The following AURKC variants were observed in gnomAD, a reference collection of about 807,000 sequenced individuals.
The protein encoded by AURKC is ARK-3.
AURKC carries 15 observed loss-of-function variants against 29.2 expected under a neutral mutation model. That is an observed-to-expected ratio of 0.51 (90% CI 0.34 to 0.79). The LOEUF is 0.79. Ranked by LOEUF, AURKC falls within the 30% of genes least tolerant of loss-of-function variation. The pLI, the probability that AURKC is intolerant of heterozygous loss-of-function variation, is 0.01. For synonymous variants in AURKC, 150 were observed against 149.9 expected, an observed-to-expected ratio of 1.00 and a Z score of -0.01; for missense variants, 332 against 383.2, an observed-to-expected ratio of 0.87 and a Z score of 1.12.
intron 1 of AURKC, 151 bp from the exon 2 acceptor site, chr19:57,231,591 C>T: frequency 1.2e-6 from 1 of 836,208 alleles, no homozygotes; most frequent in Non-Finnish European, 1.9e-6. Flanking sequence ...CCTCTCCCTG[C>T]CTTCCCCTTC....
At position 57,233,600 on chromosome 19, in the gene AURKC, C is replaced by T; in HGVS notation, c.576C>T (p.Pro192=). 1 of 1,613,766 alleles carries T rather than the reference C, an allele frequency of 6.2e-7. No individual in the cohort carries two copies. The highest frequency in any genetic ancestry group is 1.1e-5 in the South Asian group (1 of 91,044). ...ATTTTGGCTGGTCTGTGCACACCCC[C>T]TCCCTGAGGTAGGTCAGGTGGTGGT... ...IADFGWSVHT[P]SLRRKTMCGT... Residue 192 remains proline, a synonymous_variant, in exon 5 of 7, where the codon CCC becomes CCT. Coordinates refer to ENST00000302804, the MANE Select transcript of AURKC (RefSeq NM_001015878.2).
chr19:57,235,344 A>G lies in AURKC; in HGVS notation c.857A>G (p.Gln286Arg), dbSNP rs200445619. 3.1e-6 allele frequency: 5 copies of G among 1,614,146 alleles called. No individual in the cohort carries two copies. The Admixed American group carries it at 6.7e-5, about 22-fold the overall frequency. ...YQPLERLPLA[Q>R]ILKHPWVQAH... ...CCCTTGGAGAGACTGCCCCTGGCCC[A>G]GATCCTGAAGCACCCCTGGGTTCAG... Residue 286 changes from glutamine to arginine, a missense_variant, in exon 7 of 7, where the codon CAG becomes CGG. Coordinates refer to ENST00000302804, the MANE Select transcript of AURKC (RefSeq NM_001015878.2).
chr19:57,232,373 C>T lies in AURKC; in HGVS notation c.296+149C>T. ...ACACTACCTCCTACCCTGGGTCAGA[C>T]ACTCGAATCCTGGTTCCTGTTCTCC... On this transcript the variant is annotated intron_variant, in intron 3 of 6. Coordinates refer to ENST00000302804, the MANE Select transcript of AURKC (RefSeq NM_001015878.2). This position sits in a 1 kb window ranked among gnomAD's most constrained non-coding sequence, Gnocchi z 4.5. 2 of 1,402,096 alleles carry T rather than the reference C, an allele frequency of 1.4e-6. No individual in the cohort carries two copies. Among genetic ancestry groups the T allele is most frequent in the African/African-American group, 1.4e-5 (1 of 70,836 alleles). The allele number at this position is 1,402,096 out of a possible 1,614,324, so 86.9% of individuals were successfully genotyped here.
chr19:57,233,648 A>T (rs1486365087), intron 5 of AURKC, 40 bp downstream of exon 5: 4 of 1,612,468 alleles, frequency 2.5e-6, no homozygotes, highest in Non-Finnish European at 2.5e-6. Flanking sequence ...TCTGAGTACC[A>T]GTTAGGAATG....
chr19:57,233,749 C>CTT lies in AURKC; in HGVS notation c.584+144_584+145dup, dbSNP rs1438790042. 1.1e-4 allele frequency: 129 copies of CTT among 1,206,424 alleles called. No individual in the cohort carries two copies. The African/African-American group carries it at 1.1e-3, about 10-fold the overall frequency. 74.7% of individuals were successfully genotyped at this position (1,206,424 alleles called of 1,614,324 possible). Reference sequence around the variant, plus strand: ...GAATACTGCCTTTTTCTTTTCTTTTCTTTTCTTTTTTTTTTTGAGACAGAG... The same window carrying CTT: ...GAATACTGCCTTTTTCTTTTCTTTTCTTTTTTCTTTTTTTTTTTGAGACAGAG... On this transcript the variant is annotated intron_variant, in intron 5 of 6. Transcript: ENST00000302804.
intron 5 of AURKC, 36 bp from the exon 6 acceptor site, chr19:57,234,848 T>G (rs775648763): frequency 1.1e-5 from 17 of 1,613,478 alleles, no homozygotes; most frequent in Admixed American, 1.7e-5. Context: ...CCTGGGCCTC[T>G]GCTTAGTACT....
At position 57,232,679 on chromosome 19, in the gene AURKC, C is replaced by A. The variant is rs45503793; in HGVS notation, c.434C>A (p.Thr145Lys). Residue 145 changes from threonine (T) to lysine (K), a missense_variant and splice_region_variant, in exon 4 of 7, where the codon ACG becomes AAG. Coordinates refer to ENST00000302804, the MANE Select transcript of AURKC (RefSeq NM_001015878.2). This position sits in a 1 kb window ranked among gnomAD's most constrained non-coding sequence, Gnocchi z 4.5. ...SEKLDEQRTATIIEELADALT... is the reference protein window; with the variant it reads ...SEKLDEQRTAKIIEELADALT... Reference sequence around the variant, plus strand: ...AAATTAGATGAACAGCGCACAGCCACGGTGAGGTGCGGGTCTGGAGGCTCT... The same window carrying A: ...AAATTAGATGAACAGCGCACAGCCAAGGTGAGGTGCGGGTCTGGAGGCTCT... 4 of 1,613,200 alleles carry A rather than the reference C, an allele frequency of 2.5e-6. No individual in the cohort carries two copies. Among genetic ancestry groups the A allele is most frequent in the Non-Finnish European group, 3.4e-6 (4 of 1,180,038 alleles).
In AURKC at chr19:57,233,501, C is replaced by G; in HGVS notation, c.477C>G (p.Asp159Glu). 6.2e-7 allele frequency: 1 copy of G among 1,614,160 alleles called. No homozygotes were observed. The change falls in exon 5 of 7, where the codon GAC (aspartate) becomes GAG (glutamate). Residue 159 changes from aspartate to glutamate, a missense_variant. Coordinates refer to ENST00000302804, the MANE Select transcript of AURKC (RefSeq NM_001015878.2). Reference protein sequence around the residue: ...ELADALTYCHDKKVIHRDIKP... With the variant: ...ELADALTYCHEKKVIHRDIKP... ...CAGATGCCCTGACCTACTGCCATGA[C>G]AAGAAAGTGATTCACAGAGATATTA...
Position 57,232,235 on chromosome 19 carries a change from TCTCTGCTTC to T in AURKC, c.296+16_296+24del. The stretch of plus-strand genomic sequence containing the variant: ...CCAGGCTCATCTACAGTAAGGACAG[TCTCTGCTTC>T]CTCTTTCATCTTTGACGTCTGAGCC... On this transcript the variant is annotated intron_variant, in intron 3 of 6. Coordinates refer to ENST00000302804, the MANE Select transcript of AURKC (RefSeq NM_001015878.2). The surrounding 1 kb of genome is among the most constrained non-coding windows in gnomAD (Gnocchi z 4.5). The T allele has an allele frequency of 6.2e-7, 1 of 1,613,502 alleles. No individual in the cohort carries two copies. The highest frequency in any genetic ancestry group is 8.5e-7 in the Non-Finnish European group (1 of 1,179,998).
rs760560162 is a variant in AURKC at position 57,234,872 on chromosome 19, G to T, written c.585-12G>T. 2.4e-5 allele frequency: 39 copies of T among 1,614,090 alleles called. No individual in the cohort carries two copies. The highest frequency in any genetic ancestry group is 3.3e-5 in the Non-Finnish European group (39 of 1,180,006). On this transcript the variant is annotated splice_polypyrimidine_tract_variant and intron_variant, in intron 5 of 6. Transcript: ENST00000302804. Reference sequence around the variant, plus strand: ...CTGCTTAGTACTTATTCCCTTTTCTGCCTTCCTCTAGGAGGAAGACAATGT... The same window carrying T: ...CTGCTTAGTACTTATTCCCTTTTCTTCCTTCCTCTAGGAGGAAGACAATGT...
At position 57,235,001 on chromosome 19, in the gene AURKC, G is replaced by A. The variant is rs374196372; in HGVS notation, c.702G>A (p.Val234=). The A allele has an allele frequency of 6.2e-7, 1 of 1,614,058 alleles. No individual in the cohort carries two copies. Among genetic ancestry groups the A allele is most frequent in the African/African-American group, 1.3e-5 (1 of 74,934 alleles). Residue 234 remains valine, a synonymous_variant, in exon 6 of 7, where the codon GTG becomes GTA. Transcript: ENST00000302804. ...GAGTGCTCTGCTATGAGCTGCTGGT[G>A]GGATATCCACCCTTTGAGAGCGCCT... ...CIGVLCYELL[V]GYPPFESASH...
At chr19:57,234,026 C>T (rs913926937) in intron 5 of AURKC, among the ~76,000 whole-genome samples, 1 of 149,872 alleles carries the variant, frequency 6.7e-6, no homozygotes, top group African/African-American at 2.5e-5. Context: ...GCCACCATGC[C>T]TGGCTGAACT....
Position 57,232,010 on chromosome 19 carries a change from C to A in AURKC, c.105-23C>A. The A allele has an allele frequency of 6.2e-7, 1 of 1,613,872 alleles. No individual in the cohort carries two copies. The highest frequency in any genetic ancestry group is 8.5e-7 in the Non-Finnish European group (1 of 1,179,968). On this transcript the variant is annotated intron_variant, in intron 2 of 6. Coordinates refer to ENST00000302804, the MANE Select transcript of AURKC (RefSeq NM_001015878.2). The surrounding 1 kb of genome is among the most constrained non-coding windows in gnomAD (Gnocchi z 4.5). ...GCCTACCCTACCTCCCAAGCTGAGG[C>A]TTTTTTCTTCCTCTCCTGTCAGGCG...
chr19:57,234,053 CTTTTTTTT>C (rs10586926), intron 5 of AURKC, among the ~76,000 whole-genome samples: 4 of 112,630 alleles, frequency 3.6e-5, no homozygotes, highest in African/African-American at 1.4e-4. Context: ...TTTTTCTTTT[CTTTTTTTT>C]TTTTTTTTTT....
chr19:57,232,608 A>G lies in AURKC; in HGVS notation c.363A>G (p.Glu121=). 1 of 1,614,150 alleles carries G rather than the reference A, an allele frequency of 6.2e-7. No individual in the cohort carries two copies. The highest frequency in any genetic ancestry group is 8.5e-7 in the Non-Finnish European group (1 of 1,180,040). ...CACGCCGGGTGTACCTGATTCTGGA[A>G]TATGCTCCAAGGGGTGAGCTCTACA... ...HDARRVYLIL[E]YAPRGELYKE... is the part of the protein sequence containing the mutation. Residue 121 remains glutamate, a synonymous_variant, in exon 4 of 7, where the codon GAA becomes GAG. Transcript: ENST00000302804. The surrounding 1 kb of genome is among the most constrained non-coding windows in gnomAD (Gnocchi z 4.5).
Position 57,231,063 on chromosome 19 carries a change from C to A in AURKC, c.-186C>A. ...GGTATAAAAGAAGGCCGCGCAGCCA[C>A]GGCTGCTCACGACGCCGCGGATCCC... On this transcript the variant is annotated 5_prime_UTR_variant, in exon 1 of 7. Transcript: ENST00000302804. 7.2e-7 allele frequency: 1 copy of A among 1,398,266 alleles called. No homozygotes were observed. The allele number at this position is 1,398,266 out of a possible 1,614,324, so 86.6% of individuals were successfully genotyped here.
chr19:57,233,708 C>A, intron 5 of AURKC, 100 bp downstream of exon 5: 1 of 1,513,954 alleles, frequency 6.6e-7, no homozygotes, highest in Non-Finnish European at 9.1e-7. Context: ...TAGATACGAA[C>A]TTGGGGTTTC....
chr19:57,232,522 T>C lies in AURKC; in HGVS notation c.297-20T>C. ...TAGGCCTCAGGGAGAAATCTGACTC[T>C]TCCAACATTAATCCTTCAGACACCC... On this transcript the variant is annotated intron_variant, in intron 3 of 6. Transcript: ENST00000302804. The surrounding 1 kb of genome is among the most constrained non-coding windows in gnomAD (Gnocchi z 4.5). 6.2e-7 allele frequency: 1 copy of C among 1,614,166 alleles called. No homozygotes were observed. The highest frequency in any genetic ancestry group is 8.5e-7 in the Non-Finnish European group (1 of 1,180,024).
chr19:57,232,807 A>C lies in AURKC; in HGVS notation c.435+127A>C, dbSNP rs2087507442. The C allele has an allele frequency of 1.6e-6, 2 of 1,221,474 alleles. No individual in the cohort carries two copies. The highest frequency in any genetic ancestry group is 2.4e-6 in the Non-Finnish European group (2 of 848,742). 75.7% of individuals were successfully genotyped at this position (1,221,474 alleles called of 1,614,324 possible). ...GTTTACTTCTGAATGTTATTGTGTA[A>C]ATTTAATATAATGGCACGTATGTTC... On this transcript the variant is annotated intron_variant, in intron 4 of 6. Transcript: ENST00000302804. This position sits in a 1 kb window ranked among gnomAD's most constrained non-coding sequence, Gnocchi z 4.5.
Sources: gnomAD v4.1 joint callset for allele counts (sites outside exome capture counted in the v4.1 genomes callset) on GRCh38, gnomAD v4.1.1 for gene constraint, Gnocchi (gnomAD v3.1) non-coding constraint, MANE v1.5 for transcripts, NCBI Gene and HGNC (gene_info 2026-07-23, HGNC 2026-07-21) for gene names.